The following UNC5C variants were observed in gnomAD, a reference collection of about 807,000 sequenced individuals.
UNC5C encodes netrin receptor UNC5C.
Under a neutral mutation model 99.8 loss-of-function variants are expected in UNC5C, and 47 were observed. The ratio of observed to expected loss-of-function variants is 0.47; its 90% CI spans 0.37 to 0.60. The LOEUF (loss-of-function observed/expected upper bound fraction) is 0.60, where lower values mean the gene tolerates loss of function less well. Ranked by LOEUF, UNC5C falls within the 20% of genes least tolerant of loss-of-function variation. The pLI, the probability that UNC5C is intolerant of heterozygous loss-of-function variation, is 0.00. For missense variants in UNC5C, 1,062 were observed against 1,165.9 expected, an observed-to-expected ratio of 0.91 and a Z score of 1.30; for synonymous variants, 487 against 452.2, an observed-to-expected ratio of 1.08 and a Z score of -0.98.
intron 1 of UNC5C, among the ~76,000 whole-genome samples, chr4:95,408,065 T>C (rs1292758842): frequency 6.6e-6 from 1 of 152,226 alleles, no homozygotes; most frequent in African/African-American, 2.4e-5. Flanking sequence ...ATTACACATT[T>C]ACTTAATCTA....
intron 1 of UNC5C, among the ~76,000 whole-genome samples, chr4:95,506,191 TATATC>T (rs1560487554): frequency 1.3e-5 from 2 of 152,096 alleles, no homozygotes; most frequent in African/African-American, 4.8e-5. Flanking sequence ...CAAGATTCTA[TATATC>T]ATATAAGAAT....
At chr4:95,293,568 C>A (rs1276390977) in intron 3 of UNC5C, among the ~76,000 whole-genome samples, 2 of 152,146 alleles carry the variant, frequency 1.3e-5, no homozygotes, top group East Asian at 3.9e-4. Context: ...GATCCTCCCA[C>A]CTTGGCCTCC....
rs369472369 is a variant in UNC5C, at chr4:95,475,536, TAGAC to T, written c.124+73194_124+73197del. Among the ~76,000 whole-genome samples the T allele has an allele frequency of 6.4e-3, 874 of 136,834 alleles. 10 individuals are homozygous for T. Among genetic ancestry groups the T allele is most frequent in the African/African-American group, 0.026 (817 of 31,136 alleles). The allele number at this position is 136,834 out of a possible 152,430, so 89.8% of individuals were successfully genotyped here. A position where few individuals can be genotyped will look rare whatever the true frequency, so the allele number is the denominator to read the frequency against. ...CAGTCAGGAGAGAAAGACAGACAGA[TAGAC>T]AGACAGATGGATAGATAGATAGATA... On this transcript the variant is annotated intron_variant, in intron 1 of 15. Coordinates refer to ENST00000453304, the MANE Select transcript of UNC5C (RefSeq NM_003728.4).
chr4:95,427,438 A>T (rs1183577441), intron 1 of UNC5C, among the ~76,000 whole-genome samples: 1 of 152,202 alleles, frequency 6.6e-6, no homozygotes, highest in Non-Finnish European at 1.5e-5. Context: ...CCATGAAAAG[A>T]AGAGTCAGTT....
chr4:95,173,611 A>G (rs1372877186), intron 14 of UNC5C, among the ~76,000 whole-genome samples: 137 of 145,610 alleles, frequency 9.4e-4, no homozygotes, highest in Middle Eastern at 3.6e-3. Flanking sequence ...ATGGTGGATA[A>G]GCTTTTTGAT....
At chr4:95,529,770 C>T (rs1446355148) in intron 1 of UNC5C, among the ~76,000 whole-genome samples, 3 of 151,972 alleles carry the variant, frequency 2.0e-5, no homozygotes, top group Non-Finnish European at 4.4e-5. Context: ...AATTCCCTAG[C>T]GAGAATTCAA....
chr4:95,180,880 A>C (rs956775636), intron 14 of UNC5C, among the ~76,000 whole-genome samples: 5 of 152,122 alleles, frequency 3.3e-5, no homozygotes, highest in Non-Finnish European at 5.9e-5. Flanking sequence ...CCACAAATGG[A>C]GCCTTTTCTC....
At chr4:95,180,494 G>A (rs557371839) in intron 14 of UNC5C, among the ~76,000 whole-genome samples, 7 of 152,184 alleles carry the variant, frequency 4.6e-5, no homozygotes, top group Non-Finnish European at 7.3e-5. Context: ...CAGTTAGTTA[G>A]TCTTCCAGAC....
chr4:95,380,719 C>A (rs1055350792), intron 1 of UNC5C, among the ~76,000 whole-genome samples: 32 of 152,290 alleles, frequency 2.1e-4, no homozygotes, highest in East Asian at 9.7e-4. Flanking sequence ...AACAAACAAT[C>A]CCCTTTTGCA....
intron 10 of UNC5C, among the ~76,000 whole-genome samples, chr4:95,207,218 T>C (rs569393008): frequency 2.4e-4 from 36 of 152,310 alleles, no homozygotes; most frequent in African/African-American, 7.7e-4. Context: ...AGGACCTGAC[T>C]TGAAAAATAG....
intron 1 of UNC5C, among the ~76,000 whole-genome samples, chr4:95,457,790 A>G (rs535218121): frequency 2.6e-5 from 4 of 152,256 alleles, no homozygotes; most frequent in South Asian, 4.1e-4. Flanking sequence ...CAGCAAGAAA[A>G]CAGCGAATTC....
chr4:95,397,753 A>G (rs1457607120), intron 1 of UNC5C, among the ~76,000 whole-genome samples: 2 of 152,226 alleles, frequency 1.3e-5, no homozygotes, highest in Non-Finnish European at 2.9e-5. Flanking sequence ...AATAGCATCT[A>G]AGTTTTGATT....
At chr4:95,433,233 T>A (rs1746681838) in intron 1 of UNC5C, among the ~76,000 whole-genome samples, 1 of 152,112 alleles carries the variant, frequency 6.6e-6, no homozygotes, top group Admixed American at 6.6e-5. Context: ...ATGATGCAAA[T>A]AATTTAAAAT....
chr4:95,516,514 GT>G (rs1722224904), intron 1 of UNC5C, among the ~76,000 whole-genome samples: 1 of 152,152 alleles, frequency 6.6e-6, no homozygotes, highest in African/African-American at 2.4e-5. Flanking sequence ...CAAATTCCCT[GT>G]TTTCGGAGAC....
intron 1 of UNC5C, among the ~76,000 whole-genome samples, chr4:95,508,365 A>ACTG (rs1721979335): frequency 1.3e-5 from 2 of 151,820 alleles, no homozygotes; most frequent in South Asian, 4.2e-4. Context: ...AATGATGGAC[A>ACTG]TTATCATCTA....
At chr4:95,448,898 T>C (rs956119033) in intron 1 of UNC5C, among the ~76,000 whole-genome samples, 3 of 152,182 alleles carry the variant, frequency 2.0e-5, no homozygotes, top group Non-Finnish European at 4.4e-5. Flanking sequence ...GAAGTAGTTA[T>C]TAATCTGTTC....
chr4:95,507,081 G>C (rs530445871), intron 1 of UNC5C, among the ~76,000 whole-genome samples: 1 of 151,942 alleles, frequency 6.6e-6, no homozygotes, highest in African/African-American at 2.4e-5. Flanking sequence ...GTCAACAAAC[G>C]TCCAGGAATT....
chr4:95,209,662 C>G lies in UNC5C; in HGVS notation c.1734-2866G>C, dbSNP rs146253059. On this transcript the variant is annotated intron_variant, in intron 10 of 15. Transcript: ENST00000453304. ...GAGCAACTTGAGACCTCATTACTAT[C>G]CCCATTACCACCTTGGTTTTCATTT... Among the ~76,000 whole-genome samples the G allele has an allele frequency of 6.8e-3, 1,033 of 152,272 alleles. 12 individuals carry two copies. Among genetic ancestry groups the G allele is most frequent in the African/African-American group, 0.024 (981 of 41,554 alleles).
intron 7 of UNC5C, among the ~76,000 whole-genome samples, chr4:95,227,864 C>T (rs573886929): frequency 1.3e-5 from 2 of 152,278 alleles, no homozygotes; most frequent in South Asian, 4.1e-4. Flanking sequence ...TTGGATTAAT[C>T]ATAGAACCAT....
Sources: allele counts gnomAD v4.1 joint callset (sites outside exome capture counted in the v4.1 genomes callset), GRCh38; gene constraint gnomAD v4.1.1; transcripts MANE v1.5; gene names NCBI Gene and HGNC (gene_info 2026-07-23, HGNC 2026-07-21).